The following MTMR9 variants were observed in gnomAD, a reference collection of about 807,000 sequenced individuals.
The protein encoded by MTMR9 is myotubularin-related protein 9.
Under a neutral mutation model 69.5 loss-of-function variants are expected in MTMR9, and 39 were observed. That is an observed-to-expected ratio of 0.56 (90% CI 0.43 to 0.73). MTMR9 has a LOEUF of 0.73. Among genes scored for constraint, MTMR9 ranks in the 30% least tolerant of loss-of-function variants. The probability of loss-of-function intolerance (pLI) is 0.00; values close to 1 mark genes in which losing one functional copy is unlikely to be tolerated. For missense variants in MTMR9, 900 were observed against 671.2 expected, an observed-to-expected ratio of 1.34 and a Z score of -3.77; for synonymous variants, 354 against 240.8, an observed-to-expected ratio of 1.47 and a Z score of -4.35.
At chr8:11,290,061 C>T (rs570262164) in intron 1 of MTMR9, among the ~76,000 whole-genome samples, 14 of 152,316 alleles carry the variant, frequency 9.2e-5, no homozygotes, top group Non-Finnish European at 1.9e-4. Context: ...GACAATTGCA[C>T]ATTGCCTTCC....
rs1322793633 is a variant in MTMR9, at chr8:11,325,797, A to G, written c.*3009A>G. On this transcript the variant is annotated 3_prime_UTR_variant, in exon 10 of 10. Coordinates refer to ENST00000221086, the MANE Select transcript of MTMR9 (RefSeq NM_015458.4). ...TTTTGATTTTATTAAATGGGAAGAAAGCAAGCAGAAATAGTAAAATTCAGT... is the reference window on the plus strand; with the variant it reads ...TTTTGATTTTATTAAATGGGAAGAAGGCAAGCAGAAATAGTAAAATTCAGT... 2.0e-5 allele frequency: 3 copies of G among 152,272 alleles called. No homozygotes were observed. The East Asian group carries it at 5.8e-4, about 29-fold the overall frequency. The allele number at this position is 152,272 out of a possible 1,614,324, so 9.4% of individuals were successfully genotyped here.
At position 11,309,666 on chromosome 8, in the gene MTMR9, C is replaced by G; in HGVS notation, c.949C>G (p.Leu317Val). 2 of 1,613,914 alleles carry G rather than the reference C, an allele frequency of 1.2e-6. No individual in the cohort carries two copies. The highest frequency in any genetic ancestry group is 1.7e-6 in the Non-Finnish European group (2 of 1,179,872). ...CAAAGAGATTCTGACAACTGCCTGC[C>G]TAGCGGCTCAGTGCATCGACAGGTA... ...HIKEILTTAC[L>V]AAQCIDREGA... Residue 317 changes from leucine to valine, a missense_variant, in exon 6 of 10, where the codon CTA becomes GTA. Physicochemically the swap from Leu to Val is conservative, Grantham distance 32. Coordinates refer to ENST00000221086, the MANE Select transcript of MTMR9 (RefSeq NM_015458.4).
At chr8:11,285,159 C>T in intron 1 of MTMR9, 89 bp downstream of exon 1, 1 of 1,322,028 alleles carries the variant, frequency 7.6e-7, no homozygotes, top group Non-Finnish European at 1.0e-6. Context: ...TTCCGCGCAG[C>T]CTGCCGCCCA....
rs1406702077 is a variant in MTMR9 at position 11,327,518 on chromosome 8, A to C, written c.*4730A>C. On this transcript the variant is annotated 3_prime_UTR_variant, in exon 10 of 10. Coordinates refer to ENST00000221086, the MANE Select transcript of MTMR9 (RefSeq NM_015458.4). ...CTTTGGAGAGGTGAATTATTCTACA[A>C]AATGCACCCTAAATCTCATTGTTTA... 2.6e-5 allele frequency: 4 copies of C among 152,592 alleles called. No homozygotes were observed. The highest frequency in any genetic ancestry group is 5.9e-5 in the Non-Finnish European group (4 of 68,046). The allele number at this position is 152,592 out of a possible 1,614,324, so 9.5% of individuals were successfully genotyped here. A position where few individuals can be genotyped will look rare whatever the true frequency, so the allele number is the denominator to read the frequency against.
rs561740254 is a variant in MTMR9 at position 11,298,013 on chromosome 8, G to A, written c.292-2010G>A. On this transcript the variant is annotated intron_variant, in intron 2 of 9. Coordinates refer to ENST00000221086, the MANE Select transcript of MTMR9 (RefSeq NM_015458.4). ...AGCTGTCCTTTGTAATTAGGAGTCC[G>A]TATACTCAAATATATTCTGCTGCCT... 3.1e-4 allele frequency: 141 copies of A among 449,064 alleles called. 1 individual carries two copies. The highest frequency in any genetic ancestry group is 1.4e-3 in the South Asian group (89 of 63,310). 27.8% of individuals were successfully genotyped at this position (449,064 alleles called of 1,614,324 possible). A position where few individuals can be genotyped will look rare whatever the true frequency, so the allele number is the denominator to read the frequency against.
chr8:11,291,216 AT>A (rs980247688), intron 1 of MTMR9, among the ~76,000 whole-genome samples: 3 of 152,182 alleles, frequency 2.0e-5, no homozygotes, highest in Non-Finnish European at 4.4e-5. Context: ...ACATCTTGAC[AT>A]CCATGAACAA....
At chr8:11,299,306 CAA>C (rs570886885) in intron 2 of MTMR9, among the ~76,000 whole-genome samples, 151 of 152,270 alleles carry the variant, frequency 9.9e-4, no homozygotes, top group African/African-American at 3.4e-3. Flanking sequence ...GCCTGGGTGA[CAA>C]GAGCAAAACT....
At position 11,316,732 on chromosome 8, in the gene MTMR9, G is replaced by A. The variant is rs377312578; in HGVS notation, c.1173G>A (p.Lys391=). 1.2e-6 allele frequency: 2 copies of A among 1,613,692 alleles called. No homozygotes were observed. The highest frequency in any genetic ancestry group is 1.3e-5 in the African/African-American group (1 of 74,872). Residue 391 remains lysine, a synonymous_variant, in exon 8 of 10, where the codon AAG becomes AAA. Transcript: ENST00000221086. ...CAGCCTACTGTAACACCAAGCAGAA[G>A]TGGGAGGCTCCTGTATTTCTTCTCT... is the stretch of plus-strand genomic sequence containing the variant. ...AQSAYCNTKQ[K]WEAPVFLLFL...
the MTMR9 span, among the ~76,000 whole-genome samples, chr8:11,337,574 G>A: frequency 1.3e-5 from 2 of 152,208 alleles, no homozygotes; most frequent in Non-Finnish European, 2.9e-5. Context: ...CGGTGTGATA[G>A]TCTAAGAATG....
chr8:11,321,473 T>A (rs1425144884), intron 9 of MTMR9: 1 of 456,536 alleles, frequency 2.2e-6, no homozygotes, highest in South Asian at 1.5e-5. Context: ...TGAAGGATGA[T>A]TTAATTGCTT....
intron 9 of MTMR9, chr8:11,321,619 C>G (rs1323889951): frequency 4.9e-6 from 2 of 405,340 alleles, no homozygotes; most frequent in African/African-American, 4.1e-5. Flanking sequence ...AGAAGAAGCT[C>G]TCTATTAGGT....
At chr8:11,328,164 A>T (rs924797367), downstream of MTMR9, 1 of 151,552 alleles carries the variant, frequency 6.6e-6, no homozygotes, top group Non-Finnish European at 1.5e-5. Flanking sequence ...GCTTATTTGA[A>T]TTTTTTTTTC....
intron 4 of MTMR9, 134 bp from the exon 5 acceptor site, chr8:11,306,056 G>T (rs1799926688): frequency 2.9e-6 from 2 of 695,380 alleles, no homozygotes; most frequent in Non-Finnish European, 4.8e-6. Flanking sequence ...ATATTTCTTT[G>T]TTTATGGATC....
downstream of MTMR9, among the ~76,000 whole-genome samples, chr8:11,329,879 G>T (rs563850089): frequency 2.0e-5 from 3 of 151,680 alleles, no homozygotes; most frequent in East Asian, 5.9e-4. Context: ...GAGCGTCTCT[G>T]CCCAGCTGCC....
At chr8:11,329,709 A>T (rs1310430473), downstream of MTMR9, among the ~76,000 whole-genome samples, 3 of 152,192 alleles carry the variant, frequency 2.0e-5, no homozygotes, top group Non-Finnish European at 4.4e-5. Flanking sequence ...CAAAGTGCTG[A>T]GATTGCAGCC....
Position 11,319,769 on chromosome 8 carries a change from C to T in MTMR9, c.1417C>T (p.Pro473Ser). Residue 473 changes from proline to serine, a missense_variant, in exon 9 of 10, where the codon CCC (proline) becomes TCC (serine). Physicochemically the swap from Pro to Ser is moderately conservative, Grantham distance 74. Transcript: ENST00000221086. ...CAGTGAGCTGAGTAAATTCACCAAT[C>T]CCCTCTTTGAAGCCAACAACCTTGT... ...QPSELSKFTN[P>S]LFEANNLVIW... 2.5e-6 allele frequency: 4 copies of T among 1,614,056 alleles called. No individual in the cohort carries two copies. Among genetic ancestry groups the T allele is most frequent in the East Asian group, 2.2e-5 (1 of 44,898 alleles).
intron 5 of MTMR9, among the ~76,000 whole-genome samples, chr8:11,306,776 G>T (rs1242015499): frequency 6.6e-6 from 1 of 152,130 alleles, no homozygotes; most frequent in Non-Finnish European, 1.5e-5. Context: ...TTACCATGCT[G>T]TACAATAGAC....
At chr8:11,319,893 C>G in intron 9 of MTMR9, 55 bp downstream of exon 9, 1 of 1,582,266 alleles carries the variant, frequency 6.3e-7, no homozygotes, top group Non-Finnish European at 8.6e-7. Context: ...ATGCGGCTGC[C>G]TGTGAGTGTG....
At chr8:11,331,379 C>T (rs756680570), downstream of MTMR9, 97 of 1,613,796 alleles carry the variant, frequency 6.0e-5, no homozygotes, top group Non-Finnish European at 7.6e-5. Context: ...AACTGCGTGG[C>T]GACCCCCTTC....
Sources: gnomAD v4.1 joint callset for allele counts (sites outside exome capture counted in the v4.1 genomes callset) on GRCh38, gnomAD v4.1.1 for gene constraint, MANE v1.5 for transcripts, NCBI Gene and HGNC (gene_info 2026-07-23, HGNC 2026-07-21) for gene names.